Variants in L3MBTL1 observed in about 807,000 individuals in gnomAD.
L3MBTL1 encodes the protein L3MBTL histone methyl-lysine binding protein 1, also known as lethal(3)malignant brain tumor-like protein 1.
A neutral mutation model predicts 105.3 loss-of-function variants in L3MBTL1; 75 were observed. The ratio of observed to expected loss-of-function variants is 0.71; its 90% CI spans 0.59 to 0.86. L3MBTL1 has a LOEUF of 0.86. L3MBTL1 is among the 40% of genes least tolerant of loss of function. L3MBTL1 has a pLI of 0.00. For missense variants in L3MBTL1, 1,069 were observed against 1,126.4 expected (o/e 0.95, Z 0.73); for synonymous variants, 452 against 436.2 (o/e 1.04, Z -0.45).
chr20:43,544,626 G>A (rs370730936), downstream of L3MBTL1, among the ~76,000 whole-genome samples: 5 of 152,228 alleles, frequency 3.3e-5, 1 homozygote, highest in Admixed American at 1.3e-4. Context: ...GAAATCTCAG[G>A]CGATATACAA....
chr20:43,537,725 A>G (rs1161476270), intron 19 of L3MBTL1, among the ~76,000 whole-genome samples: 1 of 152,196 alleles, frequency 6.6e-6, no homozygotes, highest in Non-Finnish European at 1.5e-5. Flanking sequence ...AATGGAATGC[A>G]TGTCATTTTA....
intron 7 of L3MBTL1, among the ~76,000 whole-genome samples, chr20:43,519,633 T>A (rs1325406915): frequency 6.6e-6 from 1 of 152,028 alleles, no homozygotes; most frequent in African/African-American, 2.4e-5. Context: ...CAAAACTCCA[T>A]CTCAAAAAAG....
chr20:43,545,598 G>A (rs1259187743), downstream of L3MBTL1, among the ~76,000 whole-genome samples: 1 of 152,170 alleles, frequency 6.6e-6, no homozygotes, highest in African/African-American at 2.4e-5. Context: ...AGAATAGAGT[G>A]GCAGACTCCT....
Position 43,534,361 on chromosome 20 carries a change from C to T in L3MBTL1, c.1677C>T (p.Ala559=). The change falls in exon 15 of 22, where the codon GCC becomes GCT. Residue 559 remains alanine (A), a synonymous_variant. Transcript: ENST00000418998. The part of the protein sequence containing the change: ...DRRNPALIRV[A]SVEDVEDHRI... ...GGAACCCAGCCCTGATTCGCGTGGC[C>T]AGCGTGGAGGATGTGGAGGACCATC... is the stretch of plus-strand genomic sequence containing the variant. 1 of 1,614,132 alleles carries T rather than the reference C, an allele frequency of 6.2e-7. No homozygotes were observed. Among genetic ancestry groups the T allele is most frequent in the Non-Finnish European group, 8.5e-7 (1 of 1,180,002 alleles).
At chr20:43,518,325 A>G (rs2018512347) in intron 7 of L3MBTL1, among the ~76,000 whole-genome samples, 2 of 151,976 alleles carry the variant, frequency 1.3e-5, no homozygotes, top group African/African-American at 2.4e-5. Flanking sequence ...TCTATGTTTG[A>G]GCTATACTCT....
Position 43,507,950 on chromosome 20 carries a change from G to A in L3MBTL1, c.-29+206G>A, listed in dbSNP as rs1024028800. Among the ~76,000 whole-genome samples the A allele has an allele frequency of 9.9e-5, 15 of 152,262 alleles. No individual in the cohort carries two copies. In the East Asian group the frequency reaches 1.9e-3, roughly 20 times the overall value. Reference sequence around the variant, plus strand: ...GGGCGGAGCGCGCAGGGGGCCAGGCGGGTGCGGGACTCCAGGCCCAGCCGA... The same window carrying A: ...GGGCGGAGCGCGCAGGGGGCCAGGCAGGTGCGGGACTCCAGGCCCAGCCGA... On this transcript the variant is annotated intron_variant, in intron 1 of 21. Transcript: ENST00000418998.
rs145495950 is a variant in L3MBTL1, at chr20:43,535,861, C to T, written c.1850C>T (p.Ser617Phe). The T allele has an allele frequency of 1.1e-5, 17 of 1,606,736 alleles. No homozygotes were observed. The East Asian group carries it at 3.8e-4, about 36-fold the overall frequency. The change falls in exon 17 of 22, where the codon TCC becomes TTC. Residue 617 changes from serine (S) to phenylalanine (F), a missense_variant. Ser to Phe is a radical substitution (Grantham distance 155). Transcript: ENST00000418998. ...PLGPREPSSA[S>F]PGGCPPLSYR... The stretch of plus-strand genomic sequence containing the variant: ...GGACCCAGAGAGCCCAGCTCTGCCT[C>T]CCCTGGGGGCTGTCCCCCTCTCAGC...
At position 43,520,194 on chromosome 20, in the gene L3MBTL1, A is replaced by C. The variant is rs537099784; in HGVS notation, c.862+4017A>C. The stretch of plus-strand genomic sequence containing the variant: ...GTTTTGTATGCCTGGCTCTTCACTT[A>C]GCACAATGTTTTCAAGGTTTACATA... On this transcript the variant is annotated intron_variant, in intron 7 of 21. Transcript: ENST00000418998. 5.8e-4 allele frequency among the ~76,000 whole-genome samples: 88 copies of C among 152,344 alleles called. 1 individual carries two copies. The highest frequency in any genetic ancestry group is 2.1e-3 in the African/African-American group (88 of 41,572).
At chr20:43,528,937 C>T in intron 8 of L3MBTL1, 192 bp downstream of exon 8, 1 of 611,534 alleles carries the variant, frequency 1.6e-6, no homozygotes, top group Non-Finnish European at 2.9e-6. Flanking sequence ...TGGGAAGAAA[C>T]AGAGAGGTGG....
chr20:43,534,296 A>G lies in L3MBTL1; in HGVS notation c.1612A>G (p.Ser538Gly). ...GTCCCCTCTGCAGCGACCCCCTCAC[A>G]GCTTCCTGGTCAATATGAAGCTGGA... ...TWAFKVRPPH[S>G]FLVNMKLEAV... The change falls in exon 15 of 22, where the codon AGC becomes GGC. Residue 538 changes from serine to glycine, a missense_variant. Ser to Gly is a moderately conservative substitution (Grantham distance 56). Transcript: ENST00000418998. 6.2e-7 allele frequency: 1 copy of G among 1,613,934 alleles called. No individual in the cohort carries two copies.
chr20:43,518,365 T>C (rs895144490), intron 7 of L3MBTL1, among the ~76,000 whole-genome samples: 4 of 152,162 alleles, frequency 2.6e-5, no homozygotes, highest in African/African-American at 9.7e-5. Flanking sequence ...AGCTGTTCAA[T>C]TCACGTCCCA....
chr20:43,529,121 C>G, intron 8 of L3MBTL1, 143 bp from the exon 9 acceptor site: 1 of 647,094 alleles, frequency 1.5e-6, no homozygotes. Flanking sequence ...TCTCTAGATC[C>G]CTGTAGTAAC....
Position 43,515,388 on chromosome 20 carries a change from AGAG to A in L3MBTL1, c.757_759del (p.Glu253del), listed in dbSNP as rs776998656. The A allele has an allele frequency of 1.4e-5, 22 of 1,559,048 alleles. No individual in the cohort carries two copies. Among genetic ancestry groups the A allele is most frequent in the African/African-American group, 6.8e-5 (5 of 73,690 alleles). On this transcript the variant is annotated inframe_deletion, in exon 6 of 22. Coordinates refer to ENST00000418998, the MANE Select transcript of L3MBTL1 (RefSeq NM_001377303.1). ...AGCGCAGGGAATACCAGAGCCCATC[AGAG>A]GAGGAGTCGGAGCCAGAGGCCATGG... is the stretch of plus-strand genomic sequence containing the variant.
intron 17 of L3MBTL1, 26 bp downstream of exon 17, chr20:43,535,962 C>A (rs769832592): frequency 6.3e-7 from 1 of 1,599,974 alleles, no homozygotes; most frequent in Non-Finnish European, 8.5e-7. Context: ...TGGTGAGAGA[C>A]CCTCAGCGTT....
chr20:43,544,838 A>G (rs904559708), downstream of L3MBTL1, among the ~76,000 whole-genome samples: 2 of 152,068 alleles, frequency 1.3e-5, no homozygotes, highest in Admixed American at 1.3e-4. Flanking sequence ...ATGGTGGTGC[A>G]TGCCTGTAGT....
At position 43,514,500 on chromosome 20, in the gene L3MBTL1, C is replaced by T. The variant is rs761035806; in HGVS notation, c.361-135C>T. 7 of 1,539,674 alleles carry T rather than the reference C, an allele frequency of 4.5e-6. No individual in the cohort carries two copies. In the East Asian group the frequency reaches 9.8e-5, roughly 22 times the overall value. On this transcript the variant is annotated intron_variant, in intron 3 of 21. Transcript: ENST00000418998. ...TTGGCTGGTGTAGCTTGGAGTGAGGCCCCCTGGCGTGGAGTCTTGAGGCCT... is the reference window on the plus strand; with the variant it reads ...TTGGCTGGTGTAGCTTGGAGTGAGGTCCCCTGGCGTGGAGTCTTGAGGCCT...
chr20:43,536,577 C>A, intron 19 of L3MBTL1, 119 bp downstream of exon 19: 1 of 1,215,630 alleles, frequency 8.2e-7, no homozygotes, highest in Non-Finnish European at 1.2e-6. Flanking sequence ...GAGGGCTGTG[C>A]CTCTTCGTTT....
At chr20:43,518,718 A>T (rs2018535636) in intron 7 of L3MBTL1, among the ~76,000 whole-genome samples, 2 of 151,952 alleles carry the variant, frequency 1.3e-5, no homozygotes, top group Admixed American at 6.6e-5. Flanking sequence ...GATAAATAAT[A>T]CACTTTAAGG....
chr20:43,522,350 G>A (rs145458461), intron 7 of L3MBTL1, among the ~76,000 whole-genome samples: 10 of 150,418 alleles, frequency 6.6e-5, no homozygotes, highest in African/African-American at 1.5e-4. Flanking sequence ...GCAAAACTCC[G>A]TCTCAAAAAA....
Sources: allele counts gnomAD v4.1 joint callset (sites outside exome capture counted in the v4.1 genomes callset), GRCh38; gene constraint gnomAD v4.1.1; transcripts MANE v1.5; gene names NCBI Gene and HGNC (gene_info 2026-07-23, HGNC 2026-07-21).